Variants in ABL1 observed in about 807,000 individuals in gnomAD.
ABL1 encodes the protein tyrosine-protein kinase ABL1.
ABL1 carries 11 observed loss-of-function variants against 94.7 expected under a neutral mutation model. That is an observed-to-expected ratio of 0.12 (90% confidence interval 0.07 to 0.19). The LOEUF is 0.19. ABL1 is among the 10% of genes least tolerant of loss of function. The pLI is 1.00. For missense variants in ABL1, 1,082 were observed against 1,489.4 expected, an observed-to-expected ratio of 0.73 and a Z score of 4.50; for synonymous variants, 656 against 622.4, an observed-to-expected ratio of 1.05 and a Z score of -0.80.
At chr9:130,767,765 A>G (rs1402948879) in intron 1 of ABL1, among the ~76,000 whole-genome samples, 4 of 152,254 alleles carry the variant, frequency 2.6e-5, no homozygotes, top group Admixed American at 6.5e-5. Flanking sequence ...ATGTGTGTGC[A>G]CACTCACACA....
At chr9:130,730,193 C>T (rs1831645521) in intron 1 of ABL1, among the ~76,000 whole-genome samples, 1 of 151,862 alleles carries the variant, frequency 6.6e-6, no homozygotes, top group South Asian at 2.1e-4. Flanking sequence ...TGGACATGTG[C>T]CACCAAACCC....
chr9:130,781,980 A>G (rs1829762232), intron 1 of ABL1, among the ~76,000 whole-genome samples: 1 of 152,208 alleles, frequency 6.6e-6, no homozygotes, highest in Non-Finnish European at 1.5e-5. Flanking sequence ...ACACATATGC[A>G]TATATGTACA....
At position 130,814,369 on chromosome 9, in the gene ABL1, C is replaced by T. The variant is rs894098880; in HGVS notation, c.137-39695C>T. Among the ~76,000 whole-genome samples the T allele has an allele frequency of 1.3e-5, 2 of 151,984 alleles. No individual in the cohort carries two copies. The highest frequency in any genetic ancestry group is 1.3e-4 in the Admixed American group (2 of 15,258). On this transcript the variant is annotated intron_variant, in intron 1 of 10. Coordinates refer to the ABL1 transcript ENST00000372348. The surrounding 1 kb of genome is among the most constrained non-coding windows in gnomAD (Gnocchi z 4.4). ...GAAAACCAGTACAGAAATCATGAAA[C>T]CAAAAGCTAGTTATTTGAGAGAGCA...
At position 130,758,558 on chromosome 9, in the gene ABL1, A is replaced by G. The variant is rs533056136; in HGVS notation, c.136+44103A>G. On this transcript the variant is annotated intron_variant, in intron 1 of 10. Coordinates refer to the ABL1 transcript ENST00000372348. ...AGCAATTCTCCTGCCTCAGCCTCCC[A>G]AGTAGCTGAGATTACAGGCGTGCGC... Among the ~76,000 whole-genome samples the G allele has an allele frequency of 2.0e-5, 3 of 152,020 alleles. No individual in the cohort carries two copies. In the South Asian group the frequency reaches 6.2e-4, roughly 32 times the overall value.
intron 1 of ABL1, among the ~76,000 whole-genome samples, chr9:130,825,380 T>C (rs1001751829): frequency 2.0e-5 from 3 of 152,284 alleles, no homozygotes; most frequent in African/African-American, 7.2e-5. Context: ...TCTTTTAGTC[T>C]TAGAGAAAGA....
chr9:130,884,138 A>AC lies in ABL1; in HGVS notation c.1849dup (p.Arg617ProfsTer39). 6.2e-7 allele frequency: 1 copy of AC among 1,613,546 alleles called. No homozygotes were observed. Among genetic ancestry groups the AC allele is most frequent in the Non-Finnish European group, 8.5e-7 (1 of 1,180,018 alleles). ...AGAAGACAGCCCCAACCCCTCCCAA[A>AC]CGCAGCAGCTCCTTCCGGGAGATGG... On this transcript the variant is annotated frameshift_variant, in exon 11 of 11. Coordinates refer to ENST00000318560, the MANE Select transcript of ABL1 (RefSeq NM_005157.6). LOFTEE classifies it high-confidence loss of function. The surrounding 1 kb of genome is among the most constrained non-coding windows in gnomAD (Gnocchi z 5.6).
chr9:130,859,062 T>A (rs1831020131), intron 3 of ABL1, among the ~76,000 whole-genome samples: 1 of 152,134 alleles, frequency 6.6e-6, no homozygotes, highest in South Asian at 2.1e-4. Flanking sequence ...ACCCGGGGAT[T>A]TGACTGTCAT....
At chr9:130,763,176 CTT>C (rs60319595) in intron 1 of ABL1, among the ~76,000 whole-genome samples, 6 of 142,752 alleles carry the variant, frequency 4.2e-5, no homozygotes. Flanking sequence ...TGGATAATTG[CTT>C]TTTTTTTTTT....
intron 1 of ABL1, among the ~76,000 whole-genome samples, chr9:130,810,837 C>T (rs1392059532): frequency 1.3e-5 from 2 of 151,854 alleles, no homozygotes; most frequent in Admixed American, 6.6e-5. Context: ...GAACTCCAAG[C>T]ACAGGAAACA....
rs903953770 is a variant in ABL1 at position 130,835,768 on chromosome 9, T to C, written c.79+243T>C. 2.0e-5 allele frequency among the ~76,000 whole-genome samples: 3 copies of C among 152,230 alleles called. No individual in the cohort carries two copies. The highest frequency in any genetic ancestry group is 4.4e-5 in the Non-Finnish European group (3 of 68,034). On this transcript the variant is annotated intron_variant, in intron 1 of 10. Transcript: ENST00000318560. This position sits in a 1 kb window ranked among gnomAD's most constrained non-coding sequence, Gnocchi z 4.6. ...CTCTCTCTTTTTCTCTCTCTCTGTC[T>C]CTTTCTCTTTCTCGCGATGGCCCCT...
chr9:130,713,068 T>C (rs1831390278), exon 1 of ABL1, among the ~76,000 whole-genome samples: 1 of 152,140 alleles, frequency 6.6e-6, no homozygotes. Flanking sequence ...CCGCGGGGTT[T>C]GGTGTCTGTG....
At chr9:130,770,945 A>G (rs1832244076) in intron 1 of ABL1, among the ~76,000 whole-genome samples, 1 of 152,204 alleles carries the variant, frequency 6.6e-6, no homozygotes, top group Non-Finnish European at 1.5e-5. Context: ...CTCCTGAAGG[A>G]ACAGATAATA....
At chr9:130,803,955 G>A (rs1228458573) in intron 1 of ABL1, among the ~76,000 whole-genome samples, 5 of 152,056 alleles carry the variant, frequency 3.3e-5, no homozygotes, top group Non-Finnish European at 5.9e-5. Flanking sequence ...CAGCTACCCA[G>A]GAGACTGAGG....
chr9:130,881,041 A>C (rs1270949369), intron 10 of ABL1, among the ~76,000 whole-genome samples: 1 of 152,244 alleles, frequency 6.6e-6, no homozygotes, highest in African/African-American at 2.4e-5. Context: ...CGGTGAAGGC[A>C]CTGATGTGAG....
Position 130,809,443 on chromosome 9 carries a change from T to TGCGCGCGC in ABL1, c.137-44619_137-44618insGCGCGCGC, listed in dbSNP as rs1554765798. Among the ~76,000 whole-genome samples, 293 of 144,982 alleles carry TGCGCGCGC rather than the reference T, an allele frequency of 2.0e-3. 4 individuals carry two copies. The highest frequency in any genetic ancestry group is 7.2e-3 in the African/African-American group (278 of 38,658). On this transcript the variant is annotated intron_variant, in intron 1 of 10. Coordinates refer to the ABL1 transcript ENST00000372348. Reference sequence around the variant, plus strand: ...GTGTGTGTGTGTGTGTGTGTGTGTGTGCACGTGTGAAGAAATTTATTGTAA... The same window carrying TGCGCGCGC: ...GTGTGTGTGTGTGTGTGTGTGTGTGTGCGCGCGCGCACGTGTGAAGAAATTTATTGTAA...
chr9:130,726,288 G>T (rs1831585246), intron 1 of ABL1, among the ~76,000 whole-genome samples: 1 of 152,258 alleles, frequency 6.6e-6, no homozygotes, highest in African/African-American at 2.4e-5. Context: ...AAAATTGTGA[G>T]CACACCTCAG....
intron 1 of ABL1, among the ~76,000 whole-genome samples, chr9:130,750,769 C>T (rs916813866): frequency 1.3e-5 from 2 of 150,662 alleles, no homozygotes; most frequent in Admixed American, 1.3e-4. Flanking sequence ...GCCTCAGCCT[C>T]CCGAGTAGCT....
chr9:130,725,770 T>C (rs1831573328), intron 1 of ABL1, among the ~76,000 whole-genome samples: 1 of 150,248 alleles, frequency 6.7e-6, no homozygotes, highest in African/African-American at 2.4e-5. Flanking sequence ...TGTGTGTGTA[T>C]ATATATATAC....
At chr9:130,846,825 CT>C (rs2132941436) in intron 1 of ABL1, among the ~76,000 whole-genome samples, 1 of 152,322 alleles carries the variant, frequency 6.6e-6, no homozygotes, top group African/African-American at 2.4e-5. Flanking sequence ...GTCCGAGAAT[CT>C]TTTGTAAACA....
Sources: allele counts gnomAD v4.1 joint callset (sites outside exome capture counted in the v4.1 genomes callset), GRCh38; gene constraint gnomAD v4.1.1; non-coding constraint Gnocchi (gnomAD v3.1); transcripts MANE v1.5; gene names NCBI Gene and HGNC (gene_info 2026-07-23, HGNC 2026-07-21).